Variants in ATRNL1 observed in about 807,000 individuals in gnomAD.
ATRNL1 encodes attractin-like protein 1.
Under a neutral mutation model 182.7 loss-of-function variants are expected in ATRNL1, and 95 were observed. The observed-to-expected ratio is 0.52, with a 90% confidence interval of 0.44 to 0.62. The LOEUF (loss-of-function observed/expected upper bound fraction) is 0.62, where lower values mean the gene tolerates loss of function less well. ATRNL1 is among the 20% of genes least tolerant of loss of function. ATRNL1 has a pLI of 0.00. For synonymous variants in ATRNL1, 576 were observed against 568.3 expected (o/e 1.01, Z -0.19); for missense variants, 1,471 against 1,679.5 (o/e 0.88, Z 2.17).
chr10:115,434,137 G>T (rs1846292825), intron 21 of ATRNL1, among the ~76,000 whole-genome samples: 1 of 152,044 alleles, frequency 6.6e-6, no homozygotes, highest in African/African-American at 2.4e-5. Context: ...ATCATGTCCT[G>T]AGAATGATTT....
intron 26 of ATRNL1, among the ~76,000 whole-genome samples, chr10:115,702,991 A>C (rs1455179772): frequency 1.3e-5 from 2 of 151,726 alleles, no homozygotes; most frequent in African/African-American, 4.8e-5. Flanking sequence ...CAAAAAGAAC[A>C]AACTATAGAC....
intron 9 of ATRNL1, among the ~76,000 whole-genome samples, chr10:115,219,231 CAAAA>C (rs78580406): frequency 3.3e-5 from 2 of 60,826 alleles, no homozygotes; most frequent in Admixed American, 1.9e-4. Context: ...GACTCCATCT[CAAAA>C]AAAAAAAAAA....
intron 1 of ATRNL1, among the ~76,000 whole-genome samples, chr10:115,095,360 C>CTT (rs367762933): frequency 2.7e-4 from 38 of 141,326 alleles, no homozygotes; most frequent in Middle Eastern, 3.8e-3. Context: ...GCATACTTTC[C>CTT]TTTTTTTTTT....
chr10:115,692,338 G>T (rs782651713), intron 26 of ATRNL1, among the ~76,000 whole-genome samples: 8 of 151,972 alleles, frequency 5.3e-5, no homozygotes, highest in Non-Finnish European at 1.0e-4. Flanking sequence ...AGGAGTTCAG[G>T]AATAATGATT....
chr10:115,819,281 A>C (rs1284080974), intron 27 of ATRNL1, among the ~76,000 whole-genome samples: 3 of 152,102 alleles, frequency 2.0e-5, no homozygotes, highest in Non-Finnish European at 4.4e-5. Context: ...GAACTCATTA[A>C]CTTTAATATG....
At chr10:115,610,335 A>G (rs1314578866) in intron 26 of ATRNL1, among the ~76,000 whole-genome samples, 1 of 152,212 alleles carries the variant, frequency 6.6e-6, no homozygotes, top group Non-Finnish European at 1.5e-5. Flanking sequence ...AACGAATGAA[A>G]GCAATTGATT....
rs1457174154 is a variant in ATRNL1 at position 115,121,929 on chromosome 10, A to G, written c.491+117A>G. ...AAAGATATTGATAGTTACATTTCAC[A>G]GATGATTATAATACTTTGTTATGTG... On this transcript the variant is annotated intron_variant, in intron 3 of 28. Coordinates refer to ENST00000355044, the MANE Select transcript of ATRNL1 (RefSeq NM_207303.4). 5 of 487,792 alleles carry G rather than the reference A, an allele frequency of 1.0e-5. No individual in the cohort carries two copies. In the Admixed American group the frequency reaches 1.9e-4, roughly 18 times the overall value. 30.2% of individuals were successfully genotyped at this position (487,792 alleles called of 1,614,324 possible).
chr10:115,495,539 A>G (rs1214263601), intron 24 of ATRNL1, among the ~76,000 whole-genome samples: 3 of 152,120 alleles, frequency 2.0e-5, no homozygotes, highest in Non-Finnish European at 4.4e-5. Flanking sequence ...ATTAATTTCA[A>G]AGAATTTTCT....
intron 19 of ATRNL1, among the ~76,000 whole-genome samples, chr10:115,346,243 A>G (rs782391891): frequency 6.6e-6 from 1 of 152,156 alleles, no homozygotes; most frequent in African/African-American, 2.4e-5. Context: ...CTCTATAACC[A>G]TTAAAAAATA....
chr10:115,392,335 C>A (rs1844070586), intron 19 of ATRNL1, among the ~76,000 whole-genome samples: 1 of 152,004 alleles, frequency 6.6e-6, no homozygotes, highest in African/African-American at 2.4e-5. Flanking sequence ...AAAATATATT[C>A]AGTGCAATAC....
chr10:115,297,449 G>A (rs1464288126), intron 15 of ATRNL1, among the ~76,000 whole-genome samples: 1 of 151,834 alleles, frequency 6.6e-6, no homozygotes, highest in Non-Finnish European at 1.5e-5. Flanking sequence ...AGACCATCCC[G>A]GCTAACACAA....
At chr10:115,693,362 G>A (rs1278632192) in intron 26 of ATRNL1, among the ~76,000 whole-genome samples, 1 of 152,092 alleles carries the variant, frequency 6.6e-6, no homozygotes, top group Non-Finnish European at 1.5e-5. Context: ...CTGAGATTTA[G>A]CAGAGGTATT....
intron 8 of ATRNL1, among the ~76,000 whole-genome samples, chr10:115,192,965 T>G (rs1848225457): frequency 6.6e-6 from 1 of 152,006 alleles, no homozygotes; most frequent in African/African-American, 2.4e-5. Flanking sequence ...TTCCAGTAGT[T>G]TTTGGAGTCT....
At chr10:115,758,761 G>C (rs888511330) in intron 27 of ATRNL1, among the ~76,000 whole-genome samples, 1 of 152,230 alleles carries the variant, frequency 6.6e-6, no homozygotes, top group Non-Finnish European at 1.5e-5. Context: ...TTGTCCCAGG[G>C]AGCTGCAGTG....
intron 24 of ATRNL1, among the ~76,000 whole-genome samples, chr10:115,472,293 G>A (rs1848344004): frequency 6.6e-6 from 1 of 150,916 alleles, no homozygotes; most frequent in Non-Finnish European, 1.5e-5. Context: ...CTCCAGCTTT[G>A]TTCTTCTTTT....
At chr10:115,583,020 C>T (rs189299761) in intron 26 of ATRNL1, among the ~76,000 whole-genome samples, 56,924 of 130,828 alleles carry the variant, frequency 0.44, 14,144 homozygotes, top group East Asian at 0.82. Context: ...CCCCATTGCT[C>T]GTTTTTCTCA....
chr10:115,516,839 G>A lies in ATRNL1; in HGVS notation c.3655-2424G>A, dbSNP rs187233406. Among the ~76,000 whole-genome samples, 749 of 151,772 alleles carry A rather than the reference G, an allele frequency of 4.9e-3. 7 individuals are homozygous for A. Among genetic ancestry groups the A allele is most frequent in the African/African-American group, 0.017 (712 of 41,466 alleles). On this transcript the variant is annotated intron_variant, in intron 24 of 28. Transcript: ENST00000355044. ...TATAAGCTCATATATCACCCCTTTA[G>A]TGAGGCCAGCAGCTCTAACCACCGG...
chr10:115,718,338 T>C (rs782681982), intron 26 of ATRNL1, among the ~76,000 whole-genome samples: 1 of 152,178 alleles, frequency 6.6e-6, no homozygotes. Flanking sequence ...AATACTTTTA[T>C]GTATTTGTTT....
At chr10:115,932,783 A>AT (rs1555121934) in intron 28 of ATRNL1, among the ~76,000 whole-genome samples, 2 of 152,198 alleles carry the variant, frequency 1.3e-5, no homozygotes, top group South Asian at 2.1e-4. Context: ...ACAAAAATTC[A>AT]TTTTTTTCTA....
Sources: gnomAD v4.1 joint callset for allele counts (sites outside exome capture counted in the v4.1 genomes callset) on GRCh38, gnomAD v4.1.1 for gene constraint, MANE v1.5 for transcripts, NCBI Gene and HGNC (gene_info 2026-07-23, HGNC 2026-07-21) for gene names.